Variants in CYP2C18 observed in about 807,000 individuals in gnomAD.
The protein encoded by CYP2C18 is cytochrome P450 2C18.
CYP2C18 carries 38 observed loss-of-function variants against 41.3 expected under a neutral mutation model. The observed-to-expected ratio is 0.92, with a 90% CI of 0.71 to 1.21. The LOEUF is 1.21. Among genes scored for constraint, CYP2C18 ranks in the 50% most tolerant of loss-of-function variants. The pLI is 0.00. For missense variants in CYP2C18, 635 were observed against 591.4 expected, an observed-to-expected ratio of 1.07 and a Z score of -0.77; for synonymous variants, 236 against 210.0, an observed-to-expected ratio of 1.12 and a Z score of -1.07.
At chr10:94,684,566 T>C (rs1053719800) in intron 1 of CYP2C18, among the ~76,000 whole-genome samples, 3 of 152,230 alleles carry the variant, frequency 2.0e-5, no homozygotes, top group Non-Finnish European at 4.4e-5. Context: ...CATTTCATTG[T>C]ACATATATGT....
At chr10:94,719,282 T>C (rs1210200032) in intron 5 of CYP2C18, among the ~76,000 whole-genome samples, 4 of 152,170 alleles carry the variant, frequency 2.6e-5, no homozygotes, top group Admixed American at 1.3e-4. Context: ...ATAATGTGTT[T>C]ATTTATTTCA....
intron 5 of CYP2C18, among the ~76,000 whole-genome samples, chr10:94,712,147 CTCTTTTTCCAATTTTTT>C (rs1473223804): frequency 2.0e-5 from 3 of 146,914 alleles, no homozygotes; most frequent in African/African-American, 7.6e-5. Flanking sequence ...CTCACCTGGC[CTCTTTTTCCAATTTTTT>C]TTTTTTTTTA....
chr10:94,698,647 A>C (rs1327549034), intron 4 of CYP2C18, among the ~76,000 whole-genome samples: 2 of 152,038 alleles, frequency 1.3e-5, no homozygotes, highest in African/African-American at 4.8e-5. Context: ...GAACTGAAGG[A>C]GATAGAGATG....
At position 94,706,840 on chromosome 10, in the gene CYP2C18, A is replaced by T. The variant is rs1200254377; in HGVS notation, c.699A>T (p.Ile233=). 2 of 1,608,216 alleles carry T rather than the reference A, an allele frequency of 1.2e-6. No individual in the cohort carries two copies. Among genetic ancestry groups the T allele is most frequent in the Non-Finnish European group, 1.7e-6 (2 of 1,175,222 alleles). The part of the protein sequence containing the change: ...IDYLPGSHNK[I]AENFAYIKSY... ...ATCTCCCAGGAAGTCATAATAAAAT[A>T]GCTGAAAATTTTGCTTACATTAAAA... is the stretch of plus-strand genomic sequence containing the variant. The change falls in exon 5 of 9, where the codon ATA becomes ATT. Residue 233 remains isoleucine (I), a synonymous_variant. Coordinates refer to ENST00000285979, the MANE Select transcript of CYP2C18 (RefSeq NM_000772.3).
At chr10:94,724,252 G>T in intron 6 of CYP2C18, 94 bp from the exon 7 acceptor site, 1 of 1,233,292 alleles carries the variant, frequency 8.1e-7, no homozygotes. Flanking sequence ...TAATGATGTT[G>T]GGACCCCTTC....
intron 6 of CYP2C18, among the ~76,000 whole-genome samples, chr10:94,722,183 G>T (rs562037587): frequency 1.3e-5 from 2 of 152,172 alleles, no homozygotes; most frequent in South Asian, 4.1e-4. Context: ...TATAATAAAG[G>T]TGTATGATAT....
At chr10:94,704,692 T>G (rs1326057229) in intron 4 of CYP2C18, among the ~76,000 whole-genome samples, 2 of 152,140 alleles carry the variant, frequency 1.3e-5, no homozygotes, top group Non-Finnish European at 2.9e-5. Flanking sequence ...CTTCTCACAT[T>G]TTTCTAACTA....
At chr10:94,715,093 G>T (rs1847515493) in intron 5 of CYP2C18, among the ~76,000 whole-genome samples, 2 of 152,104 alleles carry the variant, frequency 1.3e-5, no homozygotes, top group Non-Finnish European at 2.9e-5. Flanking sequence ...AGGCAATGGG[G>T]TTTTCTAAAT....
chr10:94,700,926 C>G (rs1470189315), intron 4 of CYP2C18, among the ~76,000 whole-genome samples: 1 of 152,196 alleles, frequency 6.6e-6, no homozygotes, highest in Non-Finnish European at 1.5e-5. Context: ...GAGATACCAT[C>G]TCACACCAAT....
intron 4 of CYP2C18, among the ~76,000 whole-genome samples, chr10:94,703,652 G>C (rs1051047927): frequency 6.6e-6 from 1 of 152,194 alleles, no homozygotes; most frequent in Non-Finnish European, 1.5e-5. Flanking sequence ...TCAAGCTAGT[G>C]GATCTTAGCT....
chr10:94,718,227 A>T (rs1427427087), intron 5 of CYP2C18, among the ~76,000 whole-genome samples: 3 of 151,942 alleles, frequency 2.0e-5, no homozygotes, highest in African/African-American at 4.8e-5. Flanking sequence ...GTTTATTTTT[A>T]AAATTTCTTT....
chr10:94,685,279 C>T (rs956465852), intron 1 of CYP2C18, among the ~76,000 whole-genome samples: 1 of 152,066 alleles, frequency 6.6e-6, no homozygotes, highest in African/African-American at 2.4e-5. Context: ...AGCAATCCAC[C>T]CACCTTTGTC....
At chr10:94,708,770 T>C (rs1033140581) in intron 5 of CYP2C18, among the ~76,000 whole-genome samples, 1 of 152,202 alleles carries the variant, frequency 6.6e-6, no homozygotes. Context: ...AACACTAATA[T>C]ACTGTCTGTC....
At chr10:94,735,191 T>C in intron 8 of CYP2C18, 72 bp from the exon 9 acceptor site, 1 of 1,399,020 alleles carries the variant, frequency 7.1e-7, no homozygotes, top group South Asian at 1.2e-5. Context: ...ATCAAATAGT[T>C]ACTGCATACT....
chr10:94,720,433 G>T lies in CYP2C18; in HGVS notation c.857G>T (p.Ser286Ile). Reference sequence around the variant, plus strand: ...CAACAGTCTGAATTTACTGTTGAAAGCTTGATAGCCACTGTAACTGATATG... The same window carrying T: ...CAACAGTCTGAATTTACTGTTGAAATCTTGATAGCCACTGTAACTGATATG... ...HNQQSEFTVE[S>I]LIATVTDMFG... The change falls in exon 6 of 9, where the codon AGC becomes ATC. Residue 286 changes from serine (S) to isoleucine (I), a missense_variant. Coordinates refer to ENST00000285979, the MANE Select transcript of CYP2C18 (RefSeq NM_000772.3). 3 of 1,612,802 alleles carry T rather than the reference G, an allele frequency of 1.9e-6. No individual in the cohort carries two copies. Among genetic ancestry groups the T allele is most frequent in the Non-Finnish European group, 2.5e-6 (3 of 1,179,270 alleles).
At chr10:94,706,272 G>A (rs1847341378) in intron 4 of CYP2C18, among the ~76,000 whole-genome samples, 1 of 152,164 alleles carries the variant, frequency 6.6e-6, no homozygotes. Flanking sequence ...CTACTCTGGT[G>A]TATGGGTACT....
intron 3 of CYP2C18, among the ~76,000 whole-genome samples, chr10:94,691,318 A>G (rs1375267211): frequency 2.0e-5 from 3 of 152,250 alleles, no homozygotes; most frequent in Non-Finnish European, 4.4e-5. Flanking sequence ...AAGCAACTTC[A>G]GTAAAGTCTC....
intron 1 of CYP2C18, among the ~76,000 whole-genome samples, chr10:94,684,852 C>G (rs1846855277): frequency 6.6e-6 from 1 of 151,898 alleles, no homozygotes; most frequent in African/African-American, 2.4e-5. Flanking sequence ...CACTTGTTAT[C>G]TTTTTATCTT....
chr10:94,698,152 C>T (rs1243936079), intron 4 of CYP2C18, among the ~76,000 whole-genome samples: 1 of 152,204 alleles, frequency 6.6e-6, no homozygotes, highest in South Asian at 2.1e-4. Context: ...CTGCAGAACT[C>T]TCCACCCCAA....
Sources: allele counts gnomAD v4.1 joint callset (sites outside exome capture counted in the v4.1 genomes callset), GRCh38; gene constraint gnomAD v4.1.1; transcripts MANE v1.5; gene names NCBI Gene and HGNC (gene_info 2026-07-23, HGNC 2026-07-21).